Variants in HECW1 observed in about 807,000 individuals in gnomAD.
The protein encoded by HECW1 is E3 ubiquitin-protein ligase HECW1.
A neutral mutation model predicts 182.3 loss-of-function variants in HECW1; 61 were observed. The ratio of observed to expected loss-of-function variants is 0.33; its 90% CI spans 0.27 to 0.41. The LOEUF (loss-of-function observed/expected upper bound fraction) is 0.41. Ranked by LOEUF, HECW1 falls within the 10% of genes least tolerant of loss-of-function variation. The pLI is 1.00. For missense variants in HECW1, 1,739 were observed against 2,108.9 expected (o/e 0.82, Z 3.44); for synonymous variants, 859 against 832.6 (o/e 1.03, Z -0.55).
At position 43,170,148 on chromosome 7, in the gene HECW1, TAGG is replaced by T. The variant is rs1257652651; in HGVS notation, c.-32+55760_-32+55762del. On this transcript the variant is annotated intron_variant, in intron 2 of 29. Transcript: ENST00000395891. ...CAGATCAGTGGTGACAAGATTCTCA[TAGG>T]AGCACGAACCTTATTGTGGACTGCA... 3.3e-5 allele frequency among the ~76,000 whole-genome samples: 5 copies of T among 152,288 alleles called. No individual in the cohort carries two copies. In the East Asian group the frequency reaches 9.7e-4, roughly 29 times the overall value.
At chr7:43,191,485 A>C (rs1297465712) in intron 2 of HECW1, among the ~76,000 whole-genome samples, 1 of 152,132 alleles carries the variant, frequency 6.6e-6, no homozygotes, top group Non-Finnish European at 1.5e-5. Context: ...CCCAGCTGTC[A>C]CCATGTGTGT....
At chr7:43,157,469 C>T (rs967423014) in intron 2 of HECW1, among the ~76,000 whole-genome samples, 1 of 152,152 alleles carries the variant, frequency 6.6e-6, no homozygotes. Flanking sequence ...AAAACCATTG[C>T]TGTACTCATA....
At chr7:43,256,995 ACT>A (rs1226448095) in intron 3 of HECW1, among the ~76,000 whole-genome samples, 3 of 152,054 alleles carry the variant, frequency 2.0e-5, no homozygotes, top group Non-Finnish European at 2.9e-5. Context: ...AAAAATGCCC[ACT>A]CTCTCTCCGT....
chr7:43,198,188 GCA>G (rs1427221012), intron 2 of HECW1, among the ~76,000 whole-genome samples: 1 of 120,876 alleles, frequency 8.3e-6, no homozygotes, highest in Non-Finnish European at 1.7e-5. Context: ...CACACACACA[GCA>G]CACACATTCA....
At chr7:43,258,928 T>C (rs1190771162) in intron 3 of HECW1, among the ~76,000 whole-genome samples, 1 of 152,178 alleles carries the variant, frequency 6.6e-6, no homozygotes, top group Non-Finnish European at 1.5e-5. Context: ...CCCAGTTTGT[T>C]TTTTTTGTTT....
chr7:43,420,958 G>C (rs1274955984), intron 8 of HECW1, among the ~76,000 whole-genome samples: 2 of 151,858 alleles, frequency 1.3e-5, no homozygotes. Context: ...CATTTGTATT[G>C]AAATACAAAA....
chr7:43,346,976 C>T (rs916430096), intron 5 of HECW1, among the ~76,000 whole-genome samples: 1 of 152,132 alleles, frequency 6.6e-6, no homozygotes, highest in African/African-American at 2.4e-5. Flanking sequence ...GCTATGTGGG[C>T]TCTTTTCTGG....
At position 43,214,787 on chromosome 7, in the gene HECW1, A is replaced by G. The variant is rs182612997; in HGVS notation, c.-31-29088A>G. Reference sequence around the variant, plus strand: ...TAGCCCAGAAGGAGGAGGAACCCCCAGAGAGGGGCCAGCTCACAGCCCACA... The same window carrying G: ...TAGCCCAGAAGGAGGAGGAACCCCCGGAGAGGGGCCAGCTCACAGCCCACA... On this transcript the variant is annotated intron_variant, in intron 2 of 29. Transcript: ENST00000395891. Among the ~76,000 whole-genome samples the G allele has an allele frequency of 1.4e-3, 215 of 152,358 alleles. 1 individual carries two copies. The highest frequency in any genetic ancestry group is 5.0e-3 in the African/African-American group (207 of 41,590).
At chr7:43,335,112 C>G (rs1352247058) in intron 5 of HECW1, among the ~76,000 whole-genome samples, 2 of 152,138 alleles carry the variant, frequency 1.3e-5, no homozygotes, top group East Asian at 3.9e-4. Context: ...TAGATTATGT[C>G]AATTCTTTTT....
intron 26 of HECW1, among the ~76,000 whole-genome samples, chr7:43,543,228 A>G (rs1297805446): frequency 1.3e-5 from 2 of 152,230 alleles, no homozygotes; most frequent in African/African-American, 4.8e-5. Context: ...TTGTTGTGAT[A>G]GTTAAATCAG....
chr7:43,543,301 T>C (rs1451766691), intron 26 of HECW1, among the ~76,000 whole-genome samples: 1 of 152,206 alleles, frequency 6.6e-6, no homozygotes, highest in East Asian at 1.9e-4. Context: ...TGAGAATGAA[T>C]GAATGCTGCA....
intron 2 of HECW1, among the ~76,000 whole-genome samples, chr7:43,181,472 G>C (rs1280990516): frequency 2.0e-5 from 3 of 150,622 alleles, no homozygotes; most frequent in Non-Finnish European, 2.9e-5. Context: ...ATTGCATAAG[G>C]GTTTCTTTTT....
chr7:43,290,535 C>T (rs977123991), intron 3 of HECW1, among the ~76,000 whole-genome samples: 4 of 152,182 alleles, frequency 2.6e-5, no homozygotes, highest in South Asian at 2.1e-4. Context: ...GGGGGTATAA[C>T]GAGGCATGTC....
intron 3 of HECW1, among the ~76,000 whole-genome samples, chr7:43,300,430 G>T (rs1470724375): frequency 6.6e-6 from 1 of 152,216 alleles, no homozygotes; most frequent in Non-Finnish European, 1.5e-5. Flanking sequence ...GCCCCATCTG[G>T]AATATGAACT....
intron 5 of HECW1, 36 bp from the exon 6 acceptor site, chr7:43,360,850 C>A: frequency 6.7e-7 from 1 of 1,494,902 alleles, no homozygotes; most frequent in South Asian, 1.1e-5. Context: ...TGGGTTACAC[C>A]CTACTTCTCA....
At chr7:43,331,118 G>A (rs565770825) in intron 5 of HECW1, among the ~76,000 whole-genome samples, 2 of 152,036 alleles carry the variant, frequency 1.3e-5, no homozygotes, top group South Asian at 2.1e-4. Context: ...TATATCTCCT[G>A]ATGCTATCCC....
At chr7:43,302,898 T>C (rs866915469) in intron 3 of HECW1, among the ~76,000 whole-genome samples, 26 of 152,082 alleles carry the variant, frequency 1.7e-4, no homozygotes, top group Non-Finnish European at 2.4e-4. Context: ...ATTCATTCTG[T>C]CTCTGTGTCT....
rs2152866555 is a variant in HECW1, at chr7:43,432,324, A to G, written c.802-5679A>G. On this transcript the variant is annotated intron_variant, in intron 8 of 29. Transcript: ENST00000395891. The surrounding 1 kb of genome is among the most constrained non-coding windows in gnomAD (Gnocchi z 4.1). ...CCGGCTAATTTTTTGTATTTTTAGTAGAGACGGGGTTTCACCGTTTTAGCC... is the reference window on the plus strand; with the variant it reads ...CCGGCTAATTTTTTGTATTTTTAGTGGAGACGGGGTTTCACCGTTTTAGCC... 6.6e-6 allele frequency among the ~76,000 whole-genome samples: 1 copy of G among 150,754 alleles called. No homozygotes were observed. Among genetic ancestry groups the G allele is most frequent in the Non-Finnish European group, 1.5e-5 (1 of 67,800 alleles).
intron 3 of HECW1, among the ~76,000 whole-genome samples, chr7:43,250,342 C>T (rs1380009992): frequency 6.6e-6 from 1 of 152,166 alleles, no homozygotes; most frequent in Non-Finnish European, 1.5e-5. Context: ...TAGATGGGAG[C>T]ATGGACCAGT....
Sources: allele counts gnomAD v4.1 joint callset (sites outside exome capture counted in the v4.1 genomes callset), GRCh38; gene constraint gnomAD v4.1.1; non-coding constraint Gnocchi (gnomAD v3.1); transcripts MANE v1.5; gene names NCBI Gene and HGNC (gene_info 2026-07-23, HGNC 2026-07-21).